The following LGR5 variants were observed in gnomAD, a reference collection of about 807,000 sequenced individuals.
LGR5 encodes leucine rich repeat containing G protein-coupled receptor 5.
In LGR5, 54 loss-of-function variants were observed where a neutral mutation model predicts 76.7. That is an observed-to-expected ratio of 0.70 (90% CI 0.57 to 0.88). The LOEUF (loss-of-function observed/expected upper bound fraction) is 0.88, where lower values mean the gene tolerates loss of function less well. LGR5 is among the 40% of genes least tolerant of loss of function. LGR5 has a pLI of 0.00. For missense variants in LGR5, 1,078 were observed against 1,073.3 expected, an observed-to-expected ratio of 1.00 and a Z score of -0.06; for synonymous variants, 406 against 421.9, an observed-to-expected ratio of 0.96 and a Z score of 0.46.
chr12:71,557,086 T>A (rs1877807011), intron 6 of LGR5, among the ~76,000 whole-genome samples: 1 of 152,274 alleles, frequency 6.6e-6, no homozygotes, highest in South Asian at 2.1e-4. Context: ...AACAGGCATC[T>A]CTTTAGGAAA....
At chr12:71,582,999 G>C (rs1292297979) in intron 17 of LGR5, among the ~76,000 whole-genome samples, 1 of 141,314 alleles carries the variant, frequency 7.1e-6, no homozygotes, top group African/African-American at 2.6e-5. Context: ...GAAGGGAAGG[G>C]AGGGGAGGGA....
At position 71,586,128 on chromosome 12, in the gene LGR5, T is replaced by A. The variant is rs1879307277; in HGVS notation, c.*1394T>A. ...GGTTCAGTAACATTAAGGACCATGATAATGATAATAAACCTTGTACAGTGG... is the reference window on the plus strand; with the variant it reads ...GGTTCAGTAACATTAAGGACCATGAAAATGATAATAAACCTTGTACAGTGG... On this transcript the variant is annotated 3_prime_UTR_variant, in exon 18 of 18. Coordinates refer to ENST00000266674, the MANE Select transcript of LGR5 (RefSeq NM_003667.4). The A allele has an allele frequency of 6.6e-6, 1 of 152,184 alleles. No individual in the cohort carries two copies. The highest frequency in any genetic ancestry group is 2.1e-4 in the South Asian group (1 of 4,830). 9.4% of individuals were successfully genotyped at this position (152,184 alleles called of 1,614,324 possible).
chr12:71,577,880 T>C, intron 13 of LGR5, 45 bp from the exon 14 acceptor site: 1 of 1,265,832 alleles, frequency 7.9e-7, no homozygotes, highest in Non-Finnish European at 1.2e-6. Context: ...ACTTCACATG[T>C]TCTTTATTCT....
At chr12:71,486,600 T>A (rs781747613) in intron 1 of LGR5, among the ~76,000 whole-genome samples, 63 of 152,166 alleles carry the variant, frequency 4.1e-4, no homozygotes, top group Non-Finnish European at 6.8e-4. Flanking sequence ...TTCGTCAACA[T>A]AAAAACAACT....
At chr12:71,501,429 A>G (rs1874597745) in intron 1 of LGR5, among the ~76,000 whole-genome samples, 2 of 152,168 alleles carry the variant, frequency 1.3e-5, no homozygotes, top group Admixed American at 1.3e-4. Context: ...CCTCACCTAT[A>G]ATGAGCATTC....
At chr12:71,498,237 A>G (rs1023577045) in intron 1 of LGR5, among the ~76,000 whole-genome samples, 2 of 152,224 alleles carry the variant, frequency 1.3e-5, no homozygotes, top group East Asian at 1.9e-4. Context: ...TGAGCAAAAC[A>G]CAAAGAGAGT....
chr12:71,580,166 A>G, intron 15 of LGR5, 112 bp from the exon 16 acceptor site: 3 of 966,256 alleles, frequency 3.1e-6, no homozygotes, highest in Non-Finnish European at 4.6e-6. Flanking sequence ...ACTTTGGATT[A>G]TTTATTTAGG....
At chr12:71,528,942 A>C (rs890781714) in intron 3 of LGR5, among the ~76,000 whole-genome samples, 2 of 152,228 alleles carry the variant, frequency 1.3e-5, no homozygotes, top group Non-Finnish European at 1.5e-5. Context: ...TTGAGACAGG[A>C]TAAATATTCT....
chr12:71,556,417 T>C (rs1012692422), intron 5 of LGR5, among the ~76,000 whole-genome samples: 2 of 152,172 alleles, frequency 1.3e-5, no homozygotes, highest in African/African-American at 4.8e-5. Flanking sequence ...AGCTAAAAGG[T>C]AAAAAACTGT....
intron 1 of LGR5, among the ~76,000 whole-genome samples, chr12:71,503,724 T>C (rs2137302403): frequency 6.6e-6 from 1 of 152,276 alleles, no homozygotes; most frequent in African/African-American, 2.4e-5. Context: ...AATCTTCAGG[T>C]TCGTGCAACA....
At chr12:71,457,761 T>G (rs1344850843) in intron 1 of LGR5, among the ~76,000 whole-genome samples, 1 of 152,124 alleles carries the variant, frequency 6.6e-6, no homozygotes, top group African/African-American at 2.4e-5. Context: ...GCATTGTTGG[T>G]TTTTCCCTGA....
At chr12:71,518,970 C>T (rs1875588048) in intron 2 of LGR5, among the ~76,000 whole-genome samples, 1 of 152,078 alleles carries the variant, frequency 6.6e-6, no homozygotes, top group Admixed American at 6.6e-5. Context: ...GCATATGTAC[C>T]CTGGACTTAA....
chr12:71,566,880 C>A lies in LGR5; in HGVS notation c.1038C>A (p.Thr346=), dbSNP rs560308801. 1.9e-5 allele frequency: 30 copies of A among 1,613,602 alleles called. No individual in the cohort carries two copies. Among genetic ancestry groups the A allele is most frequent in the Admixed American group, 3.3e-5 (2 of 59,992 alleles). The change falls in exon 11 of 18, where the codon ACC becomes ACA. Residue 346 remains threonine (T), a synonymous_variant. Coordinates refer to ENST00000266674, the MANE Select transcript of LGR5 (RefSeq NM_003667.4). Reference sequence around the variant, plus strand: ...CACAGATCTCATCTCTTCCTCAAACCGTCTGCAATCAGTTACCTAATCTCC... The same window carrying A: ...CACAGATCTCATCTCTTCCTCAAACAGTCTGCAATCAGTTACCTAATCTCC... ...TGAQISSLPQ[T]VCNQLPNLQV...
In LGR5 at chr12:71,574,160, G is replaced by A. The variant is rs183158392; in HGVS notation, c.1208+1239G>A. 4.0e-5 allele frequency among the ~76,000 whole-genome samples: 6 copies of A among 151,576 alleles called. No individual in the cohort carries two copies. In the East Asian group the frequency reaches 5.8e-4, roughly 15 times the overall value. The stretch of plus-strand genomic sequence containing the variant: ...CTACTAAAAATACAAAATATTAGCC[G>A]GGCATGGTGGCATGTGCCTGTAGTC... On this transcript the variant is annotated intron_variant, in intron 13 of 17. Transcript: ENST00000266674.
chr12:71,537,560 A>G (rs1339167874), intron 4 of LGR5, among the ~76,000 whole-genome samples: 1 of 152,220 alleles, frequency 6.6e-6, no homozygotes, highest in Non-Finnish European at 1.5e-5. Context: ...TTGTACCAAC[A>G]AAAGGAGTGC....
chr12:71,495,156 A>C (rs1425428535), intron 1 of LGR5, among the ~76,000 whole-genome samples: 1 of 151,258 alleles, frequency 6.6e-6, no homozygotes, highest in Non-Finnish European at 1.5e-5. Context: ...TTTAGAGTTT[A>C]TTTGAGTAAG....
intron 1 of LGR5, among the ~76,000 whole-genome samples, chr12:71,497,017 T>C (rs1391887015): frequency 6.6e-6 from 1 of 152,016 alleles, no homozygotes. Context: ...GTGTTCATAT[T>C]GTGAAAATTC....
At position 71,440,178 on chromosome 12, in the gene LGR5, G is replaced by A. The variant is rs778241955; in HGVS notation, c.98G>A (p.Gly33Asp). Residue 33 changes from glycine (G) to aspartate (D), a missense_variant, in exon 1 of 18, where the codon GGC (glycine) becomes GAC (aspartate). Coordinates refer to ENST00000266674, the MANE Select transcript of LGR5 (RefSeq NM_003667.4). The surrounding 1 kb of genome is among the most constrained non-coding windows in gnomAD (Gnocchi z 5.3). ...CCCAGGTCTGGTGTGTTGCTGAGGGGCTGCCCCACACACTGTCATTGCGAG... is the reference window on the plus strand; with the variant it reads ...CCCAGGTCTGGTGTGTTGCTGAGGGACTGCCCCACACACTGTCATTGCGAG... ...SSPRSGVLLR[G>D]CPTHCHCEPD... 1 of 1,611,934 alleles carries A rather than the reference G, an allele frequency of 6.2e-7. No individual in the cohort carries two copies. The highest frequency in any genetic ancestry group is 2.2e-5 in the East Asian group (1 of 44,872).
At chr12:71,447,563 A>G (rs1357348792) in intron 1 of LGR5, among the ~76,000 whole-genome samples, 1 of 152,214 alleles carries the variant, frequency 6.6e-6, no homozygotes, top group Non-Finnish European at 1.5e-5. Flanking sequence ...TTTTTTCTAT[A>G]TGCACATTTT....
Sources: gnomAD v4.1 joint callset for allele counts (sites outside exome capture counted in the v4.1 genomes callset) on GRCh38, gnomAD v4.1.1 for gene constraint, Gnocchi (gnomAD v3.1) non-coding constraint, MANE v1.5 for transcripts, NCBI Gene and HGNC (gene_info 2026-07-23, HGNC 2026-07-21) for gene names.